The following DPYD variants were observed in gnomAD, a reference collection of about 807,000 sequenced individuals.
DPYD encodes dihydropyrimidine dehydrogenase [NADP(+)].
DPYD carries 109 observed loss-of-function variants against 116.2 expected under a neutral mutation model. The observed-to-expected ratio is 0.94, with a 90% CI of 0.80 to 1.10. The LOEUF (loss-of-function observed/expected upper bound fraction) is 1.10. Ranked by LOEUF, DPYD falls within the 50% of genes least tolerant of loss-of-function variation. DPYD has a pLI of 0.00. For missense variants in DPYD, 1,302 were observed against 1,254.5 expected (o/e 1.04, Z -0.57); for synonymous variants, 440 against 432.0 (o/e 1.02, Z -0.23).
chr1:97,469,909 C>T (rs1018850908), intron 13 of DPYD, among the ~76,000 whole-genome samples: 1 of 152,160 alleles, frequency 6.6e-6, no homozygotes, highest in Non-Finnish European at 1.5e-5. Context: ...TGTGTATTCA[C>T]ATGGAAAAGT....
intron 16 of DPYD, among the ~76,000 whole-genome samples, chr1:97,314,490 C>CT (rs66629750): frequency 0.019 from 2,349 of 123,352 alleles, 67 homozygotes; most frequent in African/African-American, 0.046. Context: ...CTAAAGCTTT[C>CT]TTTTTTTTTT....
chr1:97,374,521 T>A lies in DPYD; in HGVS notation c.1975-877A>T, dbSNP rs376985738. 6.6e-5 allele frequency among the ~76,000 whole-genome samples: 10 copies of A among 151,154 alleles called. No individual in the cohort carries two copies. The East Asian group carries it at 1.4e-3, about 21-fold the overall frequency. ...AGATCATGAGGTCAGGAGATCGAGA[T>A]CATCCTGGCTAACACAGTGAAACTC... On this transcript the variant is annotated intron_variant, in intron 15 of 22. Transcript: ENST00000370192.
intron 18 of DPYD, among the ~76,000 whole-genome samples, chr1:97,269,939 A>C (rs1664471064): frequency 6.6e-6 from 1 of 152,210 alleles, no homozygotes; most frequent in Non-Finnish European, 1.5e-5. Flanking sequence ...ATTTATGATA[A>C]GATTTAATTG....
At chr1:97,585,007 C>T (rs1263483709) in intron 10 of DPYD, among the ~76,000 whole-genome samples, 1 of 150,778 alleles carries the variant, frequency 6.6e-6, no homozygotes, top group South Asian at 2.1e-4. Flanking sequence ...TAAAAGCTAT[C>T]AGAAATAATT....
chr1:97,251,653 A>G (rs1663108141), intron 18 of DPYD, among the ~76,000 whole-genome samples: 1 of 152,164 alleles, frequency 6.6e-6, no homozygotes, highest in South Asian at 2.1e-4. Context: ...ACACACAAAC[A>G]TACACATACA....
chr1:97,144,880 C>T (rs190899371), intron 20 of DPYD, among the ~76,000 whole-genome samples: 283 of 152,244 alleles, frequency 1.9e-3, no homozygotes, highest in Non-Finnish European at 3.5e-3. Context: ...GCCAAAATGG[C>T]ATCAGTTCTC....
chr1:97,664,063 G>A (rs1659416723), intron 8 of DPYD, among the ~76,000 whole-genome samples: 1 of 152,072 alleles, frequency 6.6e-6, no homozygotes, highest in Non-Finnish European at 1.5e-5. Context: ...TGATAACAAG[G>A]TCACATTAAT....
intron 21 of DPYD, among the ~76,000 whole-genome samples, chr1:97,082,787 A>AT (rs1370111843): frequency 2.6e-5 from 4 of 152,128 alleles, no homozygotes; most frequent in African/African-American, 9.7e-5. Context: ...GTGAGTTGTT[A>AT]TGGCTAACTT....
At position 97,883,308 on chromosome 1, in the gene DPYD, A is replaced by C; in HGVS notation, c.106T>G (p.Leu36Val). The C allele has an allele frequency of 1.2e-6, 2 of 1,612,878 alleles. No individual in the cohort carries two copies. Among genetic ancestry groups the C allele is most frequent in the Non-Finnish European group, 1.7e-6 (2 of 1,179,220 alleles). ...ATLCSTSAKK[L>V]DKKHWKRNPD... ...TTTCTTTTCCAATGTTTCTTGTCTA[A>C]TTTCTTGGCCGAAGTGGAACACAGA... The change falls in exon 2 of 23, where the codon TTA becomes GTA. Residue 36 changes from leucine to valine, a missense_variant. Transcript: ENST00000370192.
chr1:97,602,686 T>C (rs1010798925), intron 8 of DPYD, among the ~76,000 whole-genome samples: 18 of 152,084 alleles, frequency 1.2e-4, no homozygotes, highest in African/African-American at 3.8e-4. Context: ...CTTGAGTATA[T>C]TGTACTTTTA....
intron 3 of DPYD, among the ~76,000 whole-genome samples, chr1:97,768,710 T>C (rs912078269): frequency 3.3e-5 from 5 of 152,144 alleles, no homozygotes; most frequent in African/African-American, 1.2e-4. Context: ...CTGATTTTCA[T>C]GCATGTAGGG....
At chr1:97,793,977 G>A (rs1029599668) in intron 3 of DPYD, among the ~76,000 whole-genome samples, 11 of 152,088 alleles carry the variant, frequency 7.2e-5, no homozygotes, top group South Asian at 2.1e-4. Context: ...CACTCCAGTC[G>A]CCCAAGCTAG....
intron 19 of DPYD, among the ~76,000 whole-genome samples, chr1:97,224,728 T>C (rs1045371580): frequency 1.3e-5 from 2 of 151,938 alleles, no homozygotes; most frequent in South Asian, 4.1e-4. Context: ...AACTTTTTTT[T>C]TTTTTAGATT....
intron 16 of DPYD, among the ~76,000 whole-genome samples, chr1:97,372,320 T>A (rs1671351753): frequency 6.6e-6 from 1 of 152,114 alleles, no homozygotes; most frequent in Middle Eastern, 3.2e-3. Flanking sequence ...CAGCCCCCAT[T>A]CCAGGTATCC....
intron 19 of DPYD, among the ~76,000 whole-genome samples, chr1:97,227,997 A>G (rs140220751): frequency 1.1e-4 from 16 of 152,056 alleles, no homozygotes; most frequent in Admixed American, 9.2e-4. Context: ...ATTTTTTAAT[A>G]AAAATATTAT....
At chr1:97,684,079 T>G (rs1660576062) in intron 7 of DPYD, among the ~76,000 whole-genome samples, 1 of 152,172 alleles carries the variant, frequency 6.6e-6, no homozygotes, top group Non-Finnish European at 1.5e-5. Flanking sequence ...TCTGCTAGCT[T>G]TGTGGATATT....
At chr1:97,369,636 A>G (rs1246494121) in intron 16 of DPYD, among the ~76,000 whole-genome samples, 1 of 152,176 alleles carries the variant, frequency 6.6e-6, no homozygotes, top group Non-Finnish European at 1.5e-5. Flanking sequence ...AAGAAGAGTC[A>G]TATTTTATTT....
At chr1:97,839,594 T>G (rs548565836) in intron 2 of DPYD, among the ~76,000 whole-genome samples, 1 of 152,308 alleles carries the variant, frequency 6.6e-6, no homozygotes, top group South Asian at 2.1e-4. Context: ...TATTACATAT[T>G]TTACTTAACA....
intron 16 of DPYD, among the ~76,000 whole-genome samples, chr1:97,332,184 G>A (rs898593119): frequency 6.6e-5 from 10 of 152,146 alleles, no homozygotes; most frequent in African/African-American, 2.4e-4. Context: ...TGAAGTCTGA[G>A]CTGCTTCTCT....
Sources: allele counts gnomAD v4.1 joint callset (sites outside exome capture counted in the v4.1 genomes callset), GRCh38; gene constraint gnomAD v4.1.1; transcripts MANE v1.5; gene names NCBI Gene and HGNC (gene_info 2026-07-23, HGNC 2026-07-21).